Variants in FAM13B observed in about 807,000 individuals in gnomAD.
FAM13B encodes the protein protein FAM13B.
In FAM13B, 60 loss-of-function variants were observed where a neutral mutation model predicts 117.3. The observed-to-expected ratio is 0.51, with a 90% confidence interval of 0.42 to 0.63. The LOEUF (loss-of-function observed/expected upper bound fraction) is 0.63, where lower values mean the gene tolerates loss of function less well. Ranked by LOEUF, FAM13B falls within the 30% of genes least tolerant of loss-of-function variation. The probability of loss-of-function intolerance (pLI) is 0.00; values close to 1 mark genes in which losing one functional copy is unlikely to be tolerated. For missense variants in FAM13B, 972 were observed against 1,091.9 expected (o/e 0.89, Z 1.55); for synonymous variants, 332 against 356.1 (o/e 0.93, Z 0.76).
chr5:137,951,516 G>A (rs985805282), intron 17 of FAM13B, among the ~76,000 whole-genome samples: 4 of 151,908 alleles, frequency 2.6e-5, no homozygotes, highest in African/African-American at 2.4e-5. Flanking sequence ...AAAATTACCT[G>A]GGTGTGGCAG....
chr5:137,946,617 C>A (rs1281273752), intron 18 of FAM13B, among the ~76,000 whole-genome samples: 1 of 152,204 alleles, frequency 6.6e-6, no homozygotes, highest in African/African-American at 2.4e-5. Context: ...ACATCCTCAT[C>A]TGTAAAATGG....
In FAM13B at chr5:137,949,031, T is replaced by G; in HGVS notation, c.2084A>C (p.Lys695Thr). The change falls in exon 18 of 24, where the codon AAA (lysine) becomes ACA (threonine). Residue 695 changes from lysine (K) to threonine (T), a missense_variant. Transcript: ENST00000689681. Reference protein sequence around the residue: ...KVIQKEKKPSKEATLELILKR... With the variant: ...KVIQKEKKPSTEATLELILKR... ...AAGAATAAGTTCAAGGGTTGCTTCT[T>G]TAGATGGTTTTTTCTCCTTCTGAAT... 6.2e-7 allele frequency: 1 copy of G among 1,614,072 alleles called. No individual in the cohort carries two copies. The highest frequency in any genetic ancestry group is 1.3e-5 in the African/African-American group (1 of 75,064).
At position 137,948,930 on chromosome 5, in the gene FAM13B, G is replaced by A. The variant is rs377035000; in HGVS notation, c.2160+25C>T. ...TTCAGGAATTCTAAAGGCTAATCTG[G>A]GCAAAAATCATAGCTCAAGATTACC... is the stretch of plus-strand genomic sequence containing the variant. On this transcript the variant is annotated intron_variant, in intron 18 of 23. Transcript: ENST00000689681. The A allele has an allele frequency of 1.6e-5, 26 of 1,584,432 alleles. No individual in the cohort carries two copies. In the African/African-American group the frequency reaches 2.3e-4, roughly 14 times the overall value.
chr5:138,025,520 T>G (rs939350696), intron 1 of FAM13B, among the ~76,000 whole-genome samples: 11 of 151,852 alleles, frequency 7.2e-5, no homozygotes, highest in Non-Finnish European at 1.6e-4. Context: ...TTGGGTGACA[T>G]TCAAGAAAGT....
chr5:137,944,194 T>C (rs1401857681), intron 20 of FAM13B, among the ~76,000 whole-genome samples: 2 of 152,246 alleles, frequency 1.3e-5, no homozygotes, highest in East Asian at 3.8e-4. Flanking sequence ...CATCTATTAT[T>C]ATTTCATTGT....
At chr5:137,990,749 G>A (rs992066145) in intron 7 of FAM13B, among the ~76,000 whole-genome samples, 2 of 152,002 alleles carry the variant, frequency 1.3e-5, no homozygotes, top group African/African-American at 2.4e-5. Context: ...GAGCCCAGGA[G>A]TTTGAGGCCA....
intron 20 of FAM13B, among the ~76,000 whole-genome samples, chr5:137,944,914 T>TA (rs995050384): frequency 2.8e-5 from 3 of 106,680 alleles, no homozygotes; most frequent in African/African-American, 1.1e-4. Flanking sequence ...CTCATGGACA[T>TA]AAAAAAAAGG....
intron 10 of FAM13B, among the ~76,000 whole-genome samples, chr5:137,966,594 C>T (rs1770039501): frequency 6.7e-6 from 1 of 149,170 alleles, no homozygotes; most frequent in African/African-American, 2.5e-5. Flanking sequence ...GGGCAAAAGA[C>T]CTGAATAAAC....
chr5:137,999,787 T>C (rs193184466), intron 7 of FAM13B, among the ~76,000 whole-genome samples: 77 of 152,232 alleles, frequency 5.1e-4, no homozygotes, highest in Admixed American at 4.3e-3. Flanking sequence ...TGAGGGCCCA[T>C]TGATAGACTT....
rs752750180 is a variant in FAM13B at position 137,954,288 on chromosome 5, G to C, written c.1596C>G (p.His532Gln). 1.2e-6 allele frequency: 2 copies of C among 1,613,998 alleles called. No individual in the cohort carries two copies. The highest frequency in any genetic ancestry group is 1.7e-6 in the Non-Finnish European group (2 of 1,179,984). Residue 532 changes from histidine to glutamine, a missense_variant, in exon 15 of 24, where the codon CAC (histidine) becomes CAG (glutamine). Physicochemically the swap from His to Gln is conservative, Grantham distance 24. Coordinates refer to ENST00000689681, the MANE Select transcript of FAM13B (RefSeq NM_001385994.1). ...LSPQAGRMNH[H>Q]PLEEDCPPVL... Reference sequence around the variant, plus strand: ...CTGGAGGACAGTCCTCTTCCAAGGGGTGATGATTCATTCTTCCAGCTTGTG... The same window carrying C: ...CTGGAGGACAGTCCTCTTCCAAGGGCTGATGATTCATTCTTCCAGCTTGTG...
intron 6 of FAM13B, among the ~76,000 whole-genome samples, chr5:138,009,082 G>A (rs1783288305): frequency 6.6e-6 from 1 of 152,236 alleles, no homozygotes; most frequent in Admixed American, 6.5e-5. Flanking sequence ...AGAGGTTGCA[G>A]TGAGCCAAGA....
chr5:137,968,436 C>T (rs1770805766), intron 10 of FAM13B, among the ~76,000 whole-genome samples: 1 of 138,796 alleles, frequency 7.2e-6, no homozygotes, highest in Non-Finnish European at 1.5e-5. Context: ...GAGACTCTGT[C>T]TCAAAAAAAA....
At chr5:137,975,636 C>T (rs1773682816) in intron 10 of FAM13B, among the ~76,000 whole-genome samples, 1 of 152,036 alleles carries the variant, frequency 6.6e-6, no homozygotes, top group African/African-American at 2.4e-5. Context: ...ATGGTCAAAG[C>T]CATCTGAATT....
At chr5:137,942,820 TG>T in intron 22 of FAM13B, 54 bp downstream of exon 22, 1 of 1,478,526 alleles carries the variant, frequency 6.8e-7, no homozygotes. Flanking sequence ...TCAAATTTCT[TG>T]GCATATACAT....
At chr5:138,021,460 G>A (rs1354486513) in intron 1 of FAM13B, among the ~76,000 whole-genome samples, 2 of 152,138 alleles carry the variant, frequency 1.3e-5, no homozygotes, top group African/African-American at 2.4e-5. Context: ...CATCTTCAAG[G>A]ACTACACCAT....
At chr5:137,988,970 T>A (rs1777932257) in intron 7 of FAM13B, among the ~76,000 whole-genome samples, 1 of 152,232 alleles carries the variant, frequency 6.6e-6, no homozygotes, top group Non-Finnish European at 1.5e-5. Context: ...GAAAATTAGT[T>A]GTACTGGATT....
chr5:137,996,768 T>C (rs1432453420), intron 7 of FAM13B, among the ~76,000 whole-genome samples: 1 of 152,064 alleles, frequency 6.6e-6, no homozygotes, highest in Non-Finnish European at 1.5e-5. Flanking sequence ...ATTTTTTGTA[T>C]CTTTAGTACA....
rs188354933 is a variant in FAM13B at position 138,027,670 on chromosome 5, C to G, written c.-203+5112G>C. ...AACGAATGTCTCAATAGTGCATAAA[C>G]TTACCTATCAAATGTTCATAGACGC... On this transcript the variant is annotated intron_variant, in intron 1 of 23. Coordinates refer to ENST00000689681, the MANE Select transcript of FAM13B (RefSeq NM_001385994.1). Among the ~76,000 whole-genome samples, 230 of 152,344 alleles carry G rather than the reference C, an allele frequency of 1.5e-3. 1 individual carries two copies. The highest frequency in any genetic ancestry group is 5.4e-3 in the African/African-American group (223 of 41,578).
intron 10 of FAM13B, among the ~76,000 whole-genome samples, chr5:137,979,398 T>G (rs1774991369): frequency 6.6e-6 from 1 of 152,160 alleles, no homozygotes; most frequent in African/African-American, 2.4e-5. Context: ...TCCCACAAAC[T>G]TTTTATGACT....
Sources: gnomAD v4.1 joint callset for allele counts (sites outside exome capture counted in the v4.1 genomes callset) on GRCh38, gnomAD v4.1.1 for gene constraint, MANE v1.5 for transcripts, NCBI Gene and HGNC (gene_info 2026-07-23, HGNC 2026-07-21) for gene names.